Variants in THSD7A observed in about 807,000 individuals in gnomAD.
THSD7A encodes thrombospondin type-1 domain-containing protein 7A.
In THSD7A, 96 loss-of-function variants were observed where a neutral mutation model predicts 231.3. The observed-to-expected ratio is 0.41, with a 90% CI of 0.35 to 0.49. The LOEUF is 0.49. THSD7A is among the 20% of genes least tolerant of loss of function. The probability of loss-of-function intolerance (pLI) is 0.05; values close to 1 mark genes in which losing one functional copy is unlikely to be tolerated. For synonymous variants in THSD7A, 940 were observed against 743.3 expected, an observed-to-expected ratio of 1.26 and a Z score of -4.30; for missense variants, 2,290 against 2,070.2, an observed-to-expected ratio of 1.11 and a Z score of -2.06.
At chr7:11,525,461 A>T (rs1043029316) in intron 6 of THSD7A, among the ~76,000 whole-genome samples, 1 of 152,190 alleles carries the variant, frequency 6.6e-6, no homozygotes, top group Non-Finnish European at 1.5e-5. Flanking sequence ...CATGAAGCTT[A>T]AACAACTTAC....
At chr7:11,754,826 T>C (rs1782621233) in intron 1 of THSD7A, among the ~76,000 whole-genome samples, 1 of 152,138 alleles carries the variant, frequency 6.6e-6, no homozygotes, top group South Asian at 2.1e-4. Context: ...AAAAATGTTT[T>C]ATTCCTTAGG....
intron 6 of THSD7A, among the ~76,000 whole-genome samples, chr7:11,491,693 G>C (rs1408460744): frequency 6.6e-6 from 1 of 152,010 alleles, no homozygotes; most frequent in Non-Finnish European, 1.5e-5. Flanking sequence ...GAATTTATTG[G>C]CTTAATTAAT....
intron 13 of THSD7A, among the ~76,000 whole-genome samples, chr7:11,440,371 A>G (rs1583745661): frequency 6.6e-6 from 1 of 152,090 alleles, no homozygotes; most frequent in Non-Finnish European, 1.5e-5. Context: ...TGGGCCAAAG[A>G]GTAATTCTGA....
rs564910497 is a variant in THSD7A, at chr7:11,726,424, T to C, written c.191-89463A>G. ...TGATTCATAATGAAAGGTTCATTAG[T>C]CAGCTAACATGAGCACCATCAAAAA... On this transcript the variant is annotated intron_variant, in intron 1 of 27. Transcript: ENST00000423059. Among the ~76,000 whole-genome samples the C allele has an allele frequency of 2.0e-5, 3 of 152,158 alleles. No individual in the cohort carries two copies. In the South Asian group the frequency reaches 6.2e-4, roughly 32 times the overall value.
intron 1 of THSD7A, among the ~76,000 whole-genome samples, chr7:11,668,757 T>G (rs1238334836): frequency 6.6e-6 from 1 of 152,126 alleles, no homozygotes; most frequent in East Asian, 1.9e-4. Flanking sequence ...GAGCACAGAA[T>G]AAATCTCATG....
Position 11,699,859 on chromosome 7 carries a change from G to GAAAT in THSD7A, c.191-62902_191-62899dup, listed in dbSNP as rs1381018089. On this transcript the variant is annotated intron_variant, in intron 1 of 27. Transcript: ENST00000423059. The stretch of plus-strand genomic sequence containing the variant: ...AAAGCGACTATAATTTGCATGGATG[G>GAAAT]AAATGTCAGGGCAAGGAACTGAAAG... Among the ~76,000 whole-genome samples the GAAAT allele has an allele frequency of 3.3e-5, 5 of 151,316 alleles. No homozygotes were observed. The East Asian group carries it at 9.9e-4, about 30-fold the overall frequency.
Position 11,371,760 on chromosome 7 carries a change from T to C in THSD7A, c.*4034A>G, listed in dbSNP as rs1313572994. On this transcript the variant is annotated 3_prime_UTR_variant, in exon 28 of 28. Coordinates refer to ENST00000423059, the MANE Select transcript of THSD7A (RefSeq NM_015204.3). ...GAAAAGGGCTTTTTTTTTTTTTTTT[T>C]TCCTGCATGCCTTCCACATTTTTCC... 7.0e-6 allele frequency: 1 copy of C among 143,016 alleles called. No homozygotes were observed. Among genetic ancestry groups the C allele is most frequent in the Non-Finnish European group, 1.6e-5 (1 of 64,396 alleles). The allele number at this position is 143,016 out of a possible 1,614,324, so 8.9% of individuals were successfully genotyped here.
chr7:11,711,894 A>T (rs1178460432), intron 1 of THSD7A, among the ~76,000 whole-genome samples: 3 of 151,054 alleles, frequency 2.0e-5, no homozygotes, highest in Non-Finnish European at 4.5e-5. Context: ...TTAGGGGATC[A>T]CTTATTTAAT....
chr7:11,737,130 T>C (rs1337261799), intron 1 of THSD7A, among the ~76,000 whole-genome samples: 1 of 152,058 alleles, frequency 6.6e-6, no homozygotes, highest in African/African-American at 2.4e-5. Flanking sequence ...GTCTTGGGTA[T>C]GTCATTATTA....
Position 11,814,366 on chromosome 7 carries a change from A to G in THSD7A, c.190+17391T>C, listed in dbSNP as rs2128185162. The stretch of plus-strand genomic sequence containing the variant: ...GTGACAAACAAAGGAGATTCATCTC[A>G]TTTATAATAACATGGCACAAAAGTA... On this transcript the variant is annotated intron_variant, in intron 1 of 27. Transcript: ENST00000423059. This position sits in a 1 kb window ranked among gnomAD's most constrained non-coding sequence, Gnocchi z 5.1. 6.6e-6 allele frequency among the ~76,000 whole-genome samples: 1 copy of G among 152,316 alleles called. No homozygotes were observed. Among genetic ancestry groups the G allele is most frequent in the Non-Finnish European group, 1.5e-5 (1 of 68,030 alleles).
chr7:11,446,141 C>A lies in THSD7A; in HGVS notation c.2984G>T (p.Gly995Val). Residue 995 changes from glycine (G) to valine (V), a missense_variant, in exon 13 of 28, where the codon GGA becomes GTA. Transcript: ENST00000423059. The surrounding 1 kb of genome is among the most constrained non-coding windows in gnomAD (Gnocchi z 4.0). ...MKVQGDIKEC[G>V]QGYRYQAMAC... ...CATTGCTTGGTAACGATATCCTTGT[C>A]CGCATTCCTTGATGTCTCCTTGTAC... The A allele has an allele frequency of 6.2e-7, 1 of 1,613,482 alleles. No individual in the cohort carries two copies. The highest frequency in any genetic ancestry group is 8.5e-7 in the Non-Finnish European group (1 of 1,179,620).
chr7:11,431,324 G>C (rs1041714152), intron 13 of THSD7A, among the ~76,000 whole-genome samples: 2 of 152,080 alleles, frequency 1.3e-5, no homozygotes, highest in Non-Finnish European at 2.9e-5. Context: ...GAATTTAATA[G>C]TTTTAGCTCT....
intron 1 of THSD7A, among the ~76,000 whole-genome samples, chr7:11,642,266 GT>G (rs1422997095): frequency 6.6e-6 from 1 of 152,116 alleles, no homozygotes; most frequent in Non-Finnish European, 1.5e-5. Context: ...GTGGAGTGGT[GT>G]TTGGTTTTTG....
chr7:11,650,688 T>C (rs1031716774), intron 1 of THSD7A, among the ~76,000 whole-genome samples: 1 of 152,016 alleles, frequency 6.6e-6, no homozygotes, highest in Non-Finnish European at 1.5e-5. Flanking sequence ...TCTGTGTGAA[T>C]CTGGTGAAAC....
At chr7:11,601,807 A>G (rs2128344711) in intron 2 of THSD7A, among the ~76,000 whole-genome samples, 1 of 152,308 alleles carries the variant, frequency 6.6e-6, no homozygotes, top group South Asian at 2.1e-4. Flanking sequence ...ACCTTGTTTA[A>G]TACTCTCAAT....
chr7:11,818,966 A>C (rs1784790895), intron 1 of THSD7A, among the ~76,000 whole-genome samples: 1 of 152,156 alleles, frequency 6.6e-6, no homozygotes, highest in African/African-American at 2.4e-5. Context: ...CTGGACTGAG[A>C]CTTTGAACTC....
chr7:11,750,342 C>T (rs1326394058), intron 1 of THSD7A, among the ~76,000 whole-genome samples: 1 of 151,826 alleles, frequency 6.6e-6, no homozygotes, highest in Non-Finnish European at 1.5e-5. Flanking sequence ...GTATCAGTAA[C>T]ATTATTGTGC....
Position 11,634,620 on chromosome 7 carries a change from C to T in THSD7A, c.1022+1510G>A, listed in dbSNP as rs1014518241. Among the ~76,000 whole-genome samples the T allele has an allele frequency of 6.6e-6, 1 of 152,038 alleles. No homozygotes were observed. Among genetic ancestry groups the T allele is most frequent in the African/African-American group, 2.4e-5 (1 of 41,398 alleles). On this transcript the variant is annotated intron_variant, in intron 2 of 27. Transcript: ENST00000423059. This position sits in a 1 kb window ranked among gnomAD's most constrained non-coding sequence, Gnocchi z 4.1. ...ACACACACACACACACATACACACA[C>T]ACACATTTAAGGAGTTGTAGGAAAC...
chr7:11,770,935 A>G (rs1385674600), intron 1 of THSD7A, among the ~76,000 whole-genome samples: 1 of 151,812 alleles, frequency 6.6e-6, no homozygotes, highest in Non-Finnish European at 1.5e-5. Flanking sequence ...CCATTAATAT[A>G]CAATAAATTT....
Sources: gnomAD v4.1 joint callset for allele counts (sites outside exome capture counted in the v4.1 genomes callset) on GRCh38, gnomAD v4.1.1 for gene constraint, Gnocchi (gnomAD v3.1) non-coding constraint, MANE v1.5 for transcripts, NCBI Gene and HGNC (gene_info 2026-07-23, HGNC 2026-07-21) for gene names.